ADD1: variants seen among roughly 807,000 people sequenced by gnomAD.
ADD1 encodes alpha-adducin.
In ADD1, 24 loss-of-function variants were observed where a neutral mutation model predicts 80.5. The observed-to-expected ratio is 0.30, with a 90% CI of 0.22 to 0.42. ADD1 has a LOEUF of 0.42. ADD1 is among the 10% of genes least tolerant of loss of function. ADD1 has a pLI of 1.00. For missense variants in ADD1, 948 were observed against 1,019.0 expected, an observed-to-expected ratio of 0.93 and a Z score of 0.95; for synonymous variants, 373 against 393.8, an observed-to-expected ratio of 0.95 and a Z score of 0.63.
intron 1 of ADD1, among the ~76,000 whole-genome samples, chr4:2,874,331 G>A (rs1730909787): frequency 6.6e-6 from 1 of 152,194 alleles, no homozygotes. Flanking sequence ...TAGTGGCTGG[G>A]GGCGGTGGCT....
At chr4:2,919,938 C>G (rs765514679) in intron 14 of ADD1, among the ~76,000 whole-genome samples, 2 of 152,082 alleles carry the variant, frequency 1.3e-5, no homozygotes, top group Non-Finnish European at 2.9e-5. Context: ...GTTAGGATGT[C>G]TATTTTAGAT....
chr4:2,921,822 CT>C (rs938064029), intron 14 of ADD1, among the ~76,000 whole-genome samples: 27 of 151,940 alleles, frequency 1.8e-4, no homozygotes, highest in African/African-American at 6.3e-4. Flanking sequence ...TTCTTGGAGG[CT>C]TTGTTCATTC....
chr4:2,898,389 A>C lies in ADD1; in HGVS notation c.886-44A>C, dbSNP rs377154696. Reference sequence around the variant, plus strand: ...AGAAAGAAGAATAAAGCAAAGGACCAGTCTTCCTGCCCAGCTCCACAGAGC... The same window carrying C: ...AGAAAGAAGAATAAAGCAAAGGACCCGTCTTCCTGCCCAGCTCCACAGAGC... On this transcript the variant is annotated intron_variant, in intron 7 of 15. Coordinates refer to ENST00000683351, the MANE Select transcript of ADD1 (RefSeq NM_001354761.2). 58 of 1,613,874 alleles carry C rather than the reference A, an allele frequency of 3.6e-5. No individual in the cohort carries two copies. The African/African-American group carries it at 7.6e-4, about 21-fold the overall frequency.
Position 2,907,824 on chromosome 4 carries a change from G to T in ADD1, c.1588G>T (p.Val530Phe). The T allele has an allele frequency of 6.2e-7, 1 of 1,614,052 alleles. No individual in the cohort carries two copies. The highest frequency in any genetic ancestry group is 8.5e-7 in the Non-Finnish European group (1 of 1,180,014). The change falls in exon 11 of 16, where the codon GTC becomes TTC. Residue 530 changes from valine (V) to phenylalanine (F), a missense_variant. Coordinates refer to ENST00000683351, the MANE Select transcript of ADD1 (RefSeq NM_001354761.2). ...FVPLNTNPKE[V>F]QEMRNKIREQ... is the part of the protein sequence containing the mutation. ...TCCATTGAACACTAACCCAAAAGAG[G>T]TCCAGGAGATGAGGAACAAGGTGCG...
rs775330429 is a variant in ADD1, at chr4:2,914,897, C to T, written c.1805C>T (p.Thr602Met). 7 of 1,610,848 alleles carry T rather than the reference C, an allele frequency of 4.3e-6. No homozygotes were observed. Among genetic ancestry groups the T allele is most frequent in the African/African-American group, 2.7e-5 (2 of 74,802 alleles). The part of the protein sequence containing the change: ...SLSFRKGELV[T>M]ASKAIIEKEY... ...TTTCATCCACAGGGAGAGCTGGTGACGGCCTCCAAGGCCATCATTGAAAAG... is the reference window on the plus strand; with the variant it reads ...TTTCATCCACAGGGAGAGCTGGTGATGGCCTCCAAGGCCATCATTGAAAAG... The change falls in exon 14 of 16, where the codon ACG becomes ATG. Residue 602 changes from threonine (T) to methionine (M), a missense_variant. By Grantham distance (81) the Thr-to-Met change is moderately conservative. Transcript: ENST00000683351.
Position 2,928,274 on chromosome 4 carries a change from C to G in ADD1, c.2151C>G (p.Phe717Leu). ...SPDEPSEALG[F>L]PMLEKEEEAH... ...ATGAACCTTCAGAAGCACTCGGCTTCCCAATGTTAGAGAAGGAGGAGGAAG... is the reference window on the plus strand; with the variant it reads ...ATGAACCTTCAGAAGCACTCGGCTTGCCAATGTTAGAGAAGGAGGAGGAAG... The change falls in exon 16 of 16, where the codon TTC becomes TTG. Residue 717 changes from phenylalanine (F) to leucine (L), a missense_variant. Phe to Leu is a conservative substitution (Grantham distance 22). Coordinates refer to ENST00000683351, the MANE Select transcript of ADD1 (RefSeq NM_001354761.2). 3 of 1,614,106 alleles carry G rather than the reference C, an allele frequency of 1.9e-6. No homozygotes were observed. Among genetic ancestry groups the G allele is most frequent in the Non-Finnish European group, 2.5e-6 (3 of 1,180,036 alleles).
Position 2,846,549 on chromosome 4 carries a change from A to C in ADD1, c.-21+2525A>C, listed in dbSNP as rs185558540. On this transcript the variant is annotated intron_variant, in intron 1 of 15. Transcript: ENST00000683351. ...TAAATAGAATATTTTTATAAAGATA[A>C]TTTTTCATGCCTCCACTATTTGGTT... Among the ~76,000 whole-genome samples, 464 of 152,246 alleles carry C rather than the reference A, an allele frequency of 3.0e-3. 2 individuals carry two copies. The highest frequency in any genetic ancestry group is 4.5e-3 in the Non-Finnish European group (303 of 68,018).
At chr4:2,916,351 A>G (rs1739070520) in intron 14 of ADD1, among the ~76,000 whole-genome samples, 1 of 151,814 alleles carries the variant, frequency 6.6e-6, no homozygotes, top group Non-Finnish European at 1.5e-5. Context: ...ATGCACCACC[A>G]TGCCCAGCTA....
In ADD1 at chr4:2,914,924, A is replaced by T. The variant is rs1173159818; in HGVS notation, c.1832A>T (p.Glu611Val). The change falls in exon 14 of 16, where the codon GAG becomes GTG. Residue 611 changes from glutamate (E) to valine (V), a missense_variant. Transcript: ENST00000683351. ...VTASKAIIEKEYQPHVIVSTT... is the reference protein window; with the variant it reads ...VTASKAIIEKVYQPHVIVSTT... ...GCCTCCAAGGCCATCATTGAAAAGG[A>T]GTACCAGCCCCACGTCATTGTGAGC... 2 of 1,613,844 alleles carry T rather than the reference A, an allele frequency of 1.2e-6. No homozygotes were observed. Among genetic ancestry groups the T allele is most frequent in the African/African-American group, 2.7e-5 (2 of 75,050 alleles).
chr4:2,882,171 A>G (rs1195611046), intron 3 of ADD1, 111 bp downstream of exon 3: 2 of 1,015,158 alleles, frequency 2.0e-6, no homozygotes, highest in Non-Finnish European at 1.4e-6. Context: ...AACAGAGTTG[A>G]GTATTTTGAA....
At chr4:2,862,573 A>G (rs1484618564) in intron 1 of ADD1, among the ~76,000 whole-genome samples, 2 of 152,116 alleles carry the variant, frequency 1.3e-5, no homozygotes, top group Admixed American at 6.5e-5. Flanking sequence ...TTCTGGATAT[A>G]TGGCCACCTG....
Position 2,926,230 on chromosome 4 carries a change from G to C in ADD1, c.2047+118G>C. ...CACGGAAGTGTGTGCTTGCATCAGC[G>C]CCAGGACGTGACACCTTTCTCCTCC... On this transcript the variant is annotated intron_variant, in intron 15 of 15. Transcript: ENST00000683351. The surrounding 1 kb of genome is among the most constrained non-coding windows in gnomAD (Gnocchi z 5.0). 1.1e-6 allele frequency: 1 copy of C among 899,342 alleles called. No individual in the cohort carries two copies. The highest frequency in any genetic ancestry group is 1.4e-5 in the South Asian group (1 of 72,178). The allele number at this position is 899,342 out of a possible 1,614,324, so 55.7% of individuals were successfully genotyped here. A position where few individuals can be genotyped will look rare whatever the true frequency, so the allele number is the denominator to read the frequency against.
intron 14 of ADD1, among the ~76,000 whole-genome samples, chr4:2,919,291 TTCTTTTTTTG>T (rs1739607098): frequency 6.6e-6 from 1 of 152,236 alleles, no homozygotes; most frequent in South Asian, 2.1e-4. Context: ...GCCTGAAATT[TTCTTTTTTTG>T]TTGTGTCTCT....
chr4:2,849,109 A>C (rs1295992058), intron 1 of ADD1, among the ~76,000 whole-genome samples: 2 of 152,316 alleles, frequency 1.3e-5, no homozygotes, highest in Middle Eastern at 3.4e-3. Flanking sequence ...TACTCCTACC[A>C]ACTGTGTATT....
intron 4 of ADD1, among the ~76,000 whole-genome samples, chr4:2,885,088 G>A (rs1733032325): frequency 1.3e-5 from 2 of 152,138 alleles, no homozygotes; most frequent in Admixed American, 1.3e-4. Context: ...CTGGGTATCT[G>A]CTTTCTCTGG....
intron 14 of ADD1, 34 bp from the exon 15 acceptor site, chr4:2,925,980 C>T (rs761321358): frequency 6.3e-7 from 1 of 1,598,482 alleles, no homozygotes; most frequent in East Asian, 2.2e-5. Flanking sequence ...GTGGCGTCCA[C>T]AGCTCCTACC....
At chr4:2,907,886 A>G in intron 11 of ADD1, 42 bp downstream of exon 11, 1 of 1,510,098 alleles carries the variant, frequency 6.6e-7, no homozygotes, top group Non-Finnish European at 9.2e-7. Context: ...TGGGTGTGGG[A>G]TTGGAAGGGA....
chr4:2,854,867 A>T (rs1727835868), intron 1 of ADD1: 1 of 152,210 alleles, frequency 6.6e-6, no homozygotes, highest in Admixed American at 6.5e-5. Flanking sequence ...TGGAGGCCAG[A>T]AGTTTGAAAA....
chr4:2,890,081 C>T (rs1734050226), intron 4 of ADD1, among the ~76,000 whole-genome samples: 1 of 150,296 alleles, frequency 6.7e-6, no homozygotes, highest in Non-Finnish European at 1.5e-5. Context: ...CCTGTAATCC[C>T]AGCTACTGGG....
Sources: gnomAD v4.1 joint callset for allele counts (sites outside exome capture counted in the v4.1 genomes callset) on GRCh38, gnomAD v4.1.1 for gene constraint, Gnocchi (gnomAD v3.1) non-coding constraint, MANE v1.5 for transcripts, NCBI Gene and HGNC (gene_info 2026-07-23, HGNC 2026-07-21) for gene names.